Variants in FARS2 observed in about 807,000 individuals in gnomAD.
FARS2 encodes phenylalanyl-tRNA synthetase 2, mitochondrial.
Under a neutral mutation model 46.4 loss-of-function variants are expected in FARS2, and 40 were observed. The observed-to-expected ratio is 0.86, with a 90% CI of 0.67 to 1.12. FARS2 has a LOEUF of 1.12. FARS2 is among the 50% of genes most tolerant of loss of function. FARS2 has a pLI of 0.00. For missense variants in FARS2, 513 were observed against 567.9 expected (o/e 0.90, Z 0.98); for synonymous variants, 234 against 214.9 (o/e 1.09, Z -0.78).
intron 6 of FARS2, among the ~76,000 whole-genome samples, chr6:5,712,000 C>G (rs928866516): frequency 3.9e-5 from 6 of 152,050 alleles, no homozygotes; most frequent in Non-Finnish European, 2.9e-5. Flanking sequence ...TTCTGTAAAT[C>G]TAAAGCTTCT....
chr6:5,271,741 T>C (rs1765970539), intron 1 of FARS2, among the ~76,000 whole-genome samples: 1 of 151,940 alleles, frequency 6.6e-6, no homozygotes, highest in South Asian at 2.1e-4. Context: ...TTTTATATTT[T>C]TAGTAGAGAT....
intron 3 of FARS2, among the ~76,000 whole-genome samples, chr6:5,414,992 T>C (rs1041298641): frequency 3.3e-5 from 5 of 151,770 alleles, no homozygotes; most frequent in Admixed American, 3.3e-4. Flanking sequence ...TTTTTTTTTG[T>C]ATTTTTAGTA....
chr6:5,732,340 G>A (rs572202288), intron 6 of FARS2, among the ~76,000 whole-genome samples: 5 of 152,168 alleles, frequency 3.3e-5, no homozygotes, highest in African/African-American at 1.2e-4. Context: ...GGTGTGTTCA[G>A]CCTCCTAGGG....
chr6:5,567,926 A>G (rs1022525488), intron 5 of FARS2, among the ~76,000 whole-genome samples: 8 of 152,372 alleles, frequency 5.3e-5, no homozygotes, highest in Admixed American at 3.3e-4. Context: ...CTAGGATGCT[A>G]TGAAAGTGAG....
intron 1 of FARS2, among the ~76,000 whole-genome samples, chr6:5,276,611 T>C (rs1766352563): frequency 1.3e-5 from 2 of 152,216 alleles, no homozygotes; most frequent in Admixed American, 1.3e-4. Context: ...CCTTTATTCT[T>C]TACGGAATGG....
chr6:5,677,045 G>A (rs1274582786), intron 6 of FARS2, among the ~76,000 whole-genome samples: 1 of 152,130 alleles, frequency 6.6e-6, no homozygotes, highest in African/African-American at 2.4e-5. Flanking sequence ...TATTTAAAGT[G>A]CCCACACATC....
At chr6:5,407,606 T>C (rs946084339) in intron 3 of FARS2, among the ~76,000 whole-genome samples, 1 of 152,172 alleles carries the variant, frequency 6.6e-6, no homozygotes, top group Non-Finnish European at 1.5e-5. Flanking sequence ...TATAATGTTT[T>C]TTTTTTTAAA....
chr6:5,592,277 T>C (rs981808145), intron 5 of FARS2, among the ~76,000 whole-genome samples: 45 of 151,944 alleles, frequency 3.0e-4, no homozygotes, highest in Non-Finnish European at 3.8e-4. Flanking sequence ...TCCCAGCTAC[T>C]TGGGAGGCTG....
intron 4 of FARS2, among the ~76,000 whole-genome samples, chr6:5,543,871 T>C (rs1250695291): frequency 1.4e-5 from 2 of 144,934 alleles, no homozygotes; most frequent in Non-Finnish European, 3.1e-5. Context: ...GGATTAGTTA[T>C]GTTTGTTTGT....
At chr6:5,336,756 G>T (rs9502291) in intron 1 of FARS2, among the ~76,000 whole-genome samples, 26,505 of 151,962 alleles carry the variant, frequency 0.17, 3,864 homozygotes, top group African/African-American at 0.4. Flanking sequence ...TATTTTTTCA[G>T]ATTAGTTTTT....
intron 6 of FARS2, among the ~76,000 whole-genome samples, chr6:5,742,840 T>A (rs556245093): frequency 6.6e-6 from 1 of 152,208 alleles, no homozygotes; most frequent in South Asian, 2.1e-4. Flanking sequence ...ATTGAAGGAA[T>A]TCTTGGATCT....
intron 1 of FARS2, among the ~76,000 whole-genome samples, chr6:5,334,606 A>AG (rs1771029636): frequency 1.3e-5 from 2 of 152,214 alleles, no homozygotes; most frequent in Middle Eastern, 3.2e-3. Context: ...TTACCAGACA[A>AG]GAAGAGGTGC....
intron 6 of FARS2, among the ~76,000 whole-genome samples, chr6:5,735,660 A>G (rs1046991011): frequency 6.6e-6 from 1 of 152,238 alleles, no homozygotes; most frequent in East Asian, 1.9e-4. Context: ...TCGCCTGCTA[A>G]TAAAACAGTA....
At chr6:5,527,112 A>G (rs1186826224) in intron 4 of FARS2, among the ~76,000 whole-genome samples, 12 of 152,220 alleles carry the variant, frequency 7.9e-5, no homozygotes, top group Non-Finnish European at 1.5e-4. Flanking sequence ...CAACTGCTAT[A>G]TCCACTGTTT....
chr6:5,283,536 G>A (rs1216613071), intron 1 of FARS2, among the ~76,000 whole-genome samples: 3 of 127,038 alleles, frequency 2.4e-5, no homozygotes, highest in East Asian at 2.3e-4. Context: ...GCAACAGAGC[G>A]AGACTTTGTT....
chr6:5,754,788 G>T (rs1762124316), intron 6 of FARS2, among the ~76,000 whole-genome samples: 2 of 152,184 alleles, frequency 1.3e-5, no homozygotes, highest in African/African-American at 4.8e-5. Context: ...TTGTTGCTTT[G>T]TAAGTCCTAT....
Position 5,505,755 on chromosome 6 carries a change from C to T in FARS2, c.905-39425C>T, listed in dbSNP as rs2150391292. On this transcript the variant is annotated intron_variant, in intron 4 of 6. Coordinates refer to ENST00000274680, the MANE Select transcript of FARS2 (RefSeq NM_006567.5). ...CTTTGCACTTGAGGAGCAGAGGTAGCCAGTCTGCAAACAGAAAAGGAAGAC... is the reference window on the plus strand; with the variant it reads ...CTTTGCACTTGAGGAGCAGAGGTAGTCAGTCTGCAAACAGAAAAGGAAGAC... Among the ~76,000 whole-genome samples, 4 of 152,194 alleles carry T rather than the reference C, an allele frequency of 2.6e-5. No homozygotes were observed. In the Middle Eastern group the frequency reaches 0.014, roughly 518 times the overall value.
At chr6:5,617,428 A>G (rs1261530921) in intron 6 of FARS2, among the ~76,000 whole-genome samples, 1 of 152,242 alleles carries the variant, frequency 6.6e-6, no homozygotes, top group Non-Finnish European at 1.5e-5. Context: ...TGATTGGAGT[A>G]AGGTTCCTGT....
chr6:5,608,259 A>T (rs938750551), intron 5 of FARS2, among the ~76,000 whole-genome samples: 6 of 152,162 alleles, frequency 3.9e-5, no homozygotes, highest in African/African-American at 1.4e-4. Context: ...TATGCCTGGT[A>T]GGAAAACTTT....
Sources: gnomAD v4.1 joint callset for allele counts (sites outside exome capture counted in the v4.1 genomes callset) on GRCh38, gnomAD v4.1.1 for gene constraint, MANE v1.5 for transcripts, NCBI Gene and HGNC (gene_info 2026-07-23, HGNC 2026-07-21) for gene names.